Variants in GTF2IRD1 observed in about 807,000 individuals in gnomAD.
GTF2IRD1 encodes the protein GTF2I repeat domain containing 1, also known as general transcription factor II-I repeat domain-containing protein 1.
Under a neutral mutation model 113.2 loss-of-function variants are expected in GTF2IRD1, and 26 were observed. The ratio of observed to expected loss-of-function variants is 0.23; its 90% CI spans 0.17 to 0.32. GTF2IRD1 has a LOEUF of 0.32. Ranked by LOEUF, GTF2IRD1 falls within the 10% of genes least tolerant of loss-of-function variation. The probability of loss-of-function intolerance (pLI) is 1.00; values close to 1 mark genes in which losing one functional copy is unlikely to be tolerated. For synonymous variants in GTF2IRD1, 484 were observed against 529.1 expected, an observed-to-expected ratio of 0.91 and a Z score of 1.17; for missense variants, 864 against 1,280.8, an observed-to-expected ratio of 0.67 and a Z score of 4.97.
chr7:74,544,881 C>A, intron 15 of GTF2IRD1, 79 bp downstream of exon 15: 1 of 1,163,376 alleles, frequency 8.6e-7, no homozygotes, highest in Non-Finnish European at 1.3e-6. Context: ...CTCCCCTTGG[C>A]CTCTGGGTCT....
intron 14 of GTF2IRD1, among the ~76,000 whole-genome samples, chr7:74,543,679 C>T (rs1478528707): frequency 2.0e-5 from 3 of 151,858 alleles, no homozygotes; most frequent in African/African-American, 7.3e-5. Context: ...GTGGGAGGAT[C>T]GCTTGAGCCC....
chr7:74,460,131 G>A (rs939791188), intron 1 of GTF2IRD1, among the ~76,000 whole-genome samples: 4 of 151,300 alleles, frequency 2.6e-5, no homozygotes, highest in Admixed American at 1.3e-4. Flanking sequence ...ACACGCCACC[G>A]TGCCCGGCTA....
At chr7:74,475,877 C>G (rs570010768) in intron 1 of GTF2IRD1, among the ~76,000 whole-genome samples, 1 of 152,232 alleles carries the variant, frequency 6.6e-6, no homozygotes, top group Non-Finnish European at 1.5e-5. Context: ...CGGCCTGATC[C>G]TGCCTGTCTG....
intron 1 of GTF2IRD1, among the ~76,000 whole-genome samples, chr7:74,498,493 G>T (rs1420935014): frequency 1.3e-5 from 2 of 151,964 alleles, no homozygotes; most frequent in African/African-American, 2.4e-5. Context: ...GCTTCTCTCT[G>T]TGGAAACAAC....
At chr7:74,493,684 C>T (rs1335687044) in intron 1 of GTF2IRD1, among the ~76,000 whole-genome samples, 2 of 151,948 alleles carry the variant, frequency 1.3e-5, no homozygotes, top group East Asian at 3.9e-4. Context: ...ATGGAAGATC[C>T]CAGCTGACCC....
At chr7:74,513,989 G>A (rs1282964544) in intron 3 of GTF2IRD1, among the ~76,000 whole-genome samples, 1 of 152,130 alleles carries the variant, frequency 6.6e-6, no homozygotes, top group Non-Finnish European at 1.5e-5. Context: ...CTCCAGCCTG[G>A]GTGACAGTGA....
At chr7:74,510,776 C>G (rs1796583374) in intron 2 of GTF2IRD1, among the ~76,000 whole-genome samples, 1 of 152,000 alleles carries the variant, frequency 6.6e-6, no homozygotes, top group South Asian at 2.1e-4. Flanking sequence ...TGGCCAGGCG[C>G]AATGGCTCAC....
At chr7:74,582,205 G>A (rs587686539) in intron 22 of GTF2IRD1, among the ~76,000 whole-genome samples, 4 of 152,286 alleles carry the variant, frequency 2.6e-5, no homozygotes, top group Non-Finnish European at 4.4e-5. Context: ...AGATCGAGAC[G>A]TTGCCCTTTC....
intron 1 of GTF2IRD1, among the ~76,000 whole-genome samples, chr7:74,505,131 C>T (rs782805015): frequency 1.3e-5 from 2 of 152,088 alleles, no homozygotes; most frequent in South Asian, 2.1e-4. Context: ...GCAGTCCTCC[C>T]GCCTCGGCCT....
chr7:74,588,327 C>T (rs1801853621), intron 22 of GTF2IRD1, among the ~76,000 whole-genome samples: 1 of 151,690 alleles, frequency 6.6e-6, no homozygotes, highest in Non-Finnish European at 1.5e-5. Flanking sequence ...AGGGTGGTCT[C>T]AAACTCCTGA....
intron 1 of GTF2IRD1, among the ~76,000 whole-genome samples, chr7:74,471,721 C>T (rs1011143943): frequency 4.8e-5 from 7 of 146,156 alleles, no homozygotes; most frequent in African/African-American, 1.5e-4. Flanking sequence ...CGGCCGGGTG[C>T]GGTGGCTGAC....
At chr7:74,541,825 C>G (rs1355658168) in intron 14 of GTF2IRD1, among the ~76,000 whole-genome samples, 2 of 151,996 alleles carry the variant, frequency 1.3e-5, no homozygotes, top group Admixed American at 1.3e-4. Flanking sequence ...CACTTGAACC[C>G]AGGAGGCAGA....
intron 2 of GTF2IRD1, among the ~76,000 whole-genome samples, chr7:74,508,766 T>G (rs2130032025): frequency 6.6e-6 from 1 of 151,186 alleles, no homozygotes; most frequent in Non-Finnish European, 1.5e-5. Flanking sequence ...CCTTCACCCC[T>G]CTTGCCATTC....
chr7:74,503,556 C>T (rs1472526554), intron 1 of GTF2IRD1, among the ~76,000 whole-genome samples: 1 of 152,132 alleles, frequency 6.6e-6, no homozygotes, highest in Non-Finnish European at 1.5e-5. Flanking sequence ...CGAGACCAGT[C>T]TGGCCAACAT....
chr7:74,580,372 G>A (rs1380277356), intron 22 of GTF2IRD1, among the ~76,000 whole-genome samples: 1 of 152,158 alleles, frequency 6.6e-6, no homozygotes. Context: ...GCGTCTCCCT[G>A]CTGTGAATGG....
intron 3 of GTF2IRD1, among the ~76,000 whole-genome samples, chr7:74,514,177 TCA>T (rs1796788591): frequency 1.3e-5 from 2 of 152,238 alleles, no homozygotes; most frequent in South Asian, 4.2e-4. Flanking sequence ...TGGTTCACAC[TCA>T]ATAGACACCA....
intron 22 of GTF2IRD1, among the ~76,000 whole-genome samples, chr7:74,568,900 C>T (rs1800511843): frequency 6.6e-6 from 1 of 152,118 alleles, no homozygotes; most frequent in Non-Finnish European, 1.5e-5. Context: ...CATGGATCAC[C>T]AAGAGGTTCA....
chr7:74,601,543 C>T (rs1344702017), intron 26 of GTF2IRD1: 15 of 1,279,302 alleles, frequency 1.2e-5, no homozygotes, highest in African/African-American at 1.0e-4. Context: ...CAGGTCAAGT[C>T]GGGTGGATCA....
intron 22 of GTF2IRD1, among the ~76,000 whole-genome samples, chr7:74,574,294 G>A (rs782189450): frequency 1.1e-4 from 17 of 150,504 alleles, no homozygotes; most frequent in South Asian, 2.1e-4. Flanking sequence ...GAGCCACTGA[G>A]CCCGGCCTCA....
Sources: allele counts gnomAD v4.1 joint callset (sites outside exome capture counted in the v4.1 genomes callset), GRCh38; gene constraint gnomAD v4.1.1; transcripts MANE v1.5; gene names NCBI Gene and HGNC (gene_info 2026-07-23, HGNC 2026-07-21).